The following ZNF718 variants were observed in gnomAD, a reference collection of about 807,000 sequenced individuals.
The protein encoded by ZNF718 is zinc finger protein 718.
Under a neutral mutation model 2.6 loss-of-function variants are expected in ZNF718, and 3 were observed. The ratio of observed to expected loss-of-function variants is 1.16; its 90% CI spans 0.53 to 3.01. The LOEUF is 3.01. Ranked by LOEUF, ZNF718 falls within the 30% of genes most tolerant of loss-of-function variation. The probability of loss-of-function intolerance (pLI) is 0.03; values close to 1 mark genes in which losing one functional copy is unlikely to be tolerated. For missense variants in ZNF718, 468 were observed against 230.0 expected, an observed-to-expected ratio of 2.03 and a Z score of -6.69; for synonymous variants, 135 against 77.9, an observed-to-expected ratio of 1.73 and a Z score of -3.86.
At chr4:145,411 A>G (rs1410899281) in intron 3 of ZNF718, among the ~76,000 whole-genome samples, 3 of 152,136 alleles carry the variant, frequency 2.0e-5, no homozygotes, top group Non-Finnish European at 4.4e-5. Context: ...TTAATTTCCA[A>G]GAGACTTACA....
intron 3 of ZNF718, among the ~76,000 whole-genome samples, chr4:142,608 T>C (rs1456052497): frequency 2.0e-5 from 3 of 152,190 alleles, no homozygotes; most frequent in African/African-American, 7.2e-5. Flanking sequence ...TTTAAAAAGG[T>C]ATCCCTCATG....
At chr4:138,977 T>C (rs1715693750) in intron 3 of ZNF718, among the ~76,000 whole-genome samples, 1 of 152,222 alleles carries the variant, frequency 6.6e-6, no homozygotes, top group South Asian at 2.1e-4. Flanking sequence ...TTATTTATCA[T>C]CAGATTTTAT....
chr4:195,759 C>T (rs1267113101), intron 3 of ZNF718, among the ~76,000 whole-genome samples: 1 of 152,108 alleles, frequency 6.6e-6, no homozygotes, highest in African/African-American at 2.4e-5. Context: ...AGGAAGTCTA[C>T]GGGCTGTCAG....
chr4:185,502 G>A (rs1263518899), intron 3 of ZNF718, among the ~76,000 whole-genome samples: 1 of 152,138 alleles, frequency 6.6e-6, no homozygotes, highest in Non-Finnish European at 1.5e-5. Context: ...GAGTTCTGTA[G>A]ATAATCTATC....
Position 161,167 on chromosome 4 carries a change from A to T in ZNF718, c.482A>T (p.Asp161Val), listed in dbSNP as rs1553814956. Residue 161 changes from aspartate (D) to valine (V), a missense_variant, in exon 4 of 4, where the codon GAT becomes GTT. By Grantham distance (152) the Asp-to-Val change is radical. Coordinates refer to ENST00000510175, the MANE Select transcript of ZNF718 (RefSeq NM_001039127.6). ...VFHKFSNSNK[D>V]KIRYTGDKTF... ...CATAAATTTTCAAATTCAAACAAAG[A>T]TAAGATAAGATATACTGGAGATAAA... is the stretch of plus-strand genomic sequence containing the variant. 6 of 757,202 alleles carry T rather than the reference A, an allele frequency of 7.9e-6. No homozygotes were observed. Among genetic ancestry groups the T allele is most frequent in the Non-Finnish European group, 1.5e-5 (6 of 409,350 alleles). The allele number at this position is 757,202 out of a possible 1,614,324, so 46.9% of individuals were successfully genotyped here.
intron 3 of ZNF718, among the ~76,000 whole-genome samples, chr4:143,439 G>C (rs1553810614): frequency 6.6e-6 from 1 of 152,174 alleles, no homozygotes; most frequent in Non-Finnish European, 1.5e-5. Flanking sequence ...ACCTGCCTTA[G>C]CCTCCCAAAG....
intron 3 of ZNF718, among the ~76,000 whole-genome samples, chr4:142,318 T>C (rs1560112711): frequency 6.6e-6 from 1 of 152,254 alleles, no homozygotes; most frequent in Non-Finnish European, 1.5e-5. Flanking sequence ...GTTAAGTGCA[T>C]TTATGGAGTA....
rs78677549 is a variant in ZNF718 at position 188,543 on chromosome 4, G to T, written c.227-12538G>T. On this transcript the variant is annotated intron_variant and NMD_transcript_variant, in intron 3 of 4. Transcript: ENST00000642529. Reference sequence around the variant, plus strand: ...CCCCTGGATTCAGCCTCTTCCTGGAGGCATGCACTGACCTCCCACCTTGTC... The same window carrying T: ...CCCCTGGATTCAGCCTCTTCCTGGATGCATGCACTGACCTCCCACCTTGTC... 1.5e-3 allele frequency among the ~76,000 whole-genome samples: 223 copies of T among 152,292 alleles called. 8 individuals are homozygous for T. The East Asian group carries it at 0.037, about 26-fold the overall frequency.
intron 1 of ZNF718, chr4:124,944 C>T (rs560457119): frequency 5.0e-6 from 2 of 403,308 alleles, no homozygotes; most frequent in African/African-American, 2.1e-5. Flanking sequence ...CCGCGGCGGC[C>T]TGCGCGGTGC....
At chr4:198,875 A>G (rs1488495989) in intron 3 of ZNF718, among the ~76,000 whole-genome samples, 1 of 152,210 alleles carries the variant, frequency 6.6e-6, no homozygotes. Flanking sequence ...GCATGTCACC[A>G]TAACATGTTA....
chr4:137,396 C>G (rs1174893290), intron 3 of ZNF718, among the ~76,000 whole-genome samples: 1 of 152,102 alleles, frequency 6.6e-6, no homozygotes, highest in African/African-American at 2.4e-5. Context: ...ATTAGTGGGT[C>G]ATAGAATAAC....
At chr4:197,900 A>G (rs534960303) in intron 3 of ZNF718, among the ~76,000 whole-genome samples, 1 of 152,316 alleles carries the variant, frequency 6.6e-6, no homozygotes, top group East Asian at 1.9e-4. Flanking sequence ...TGGGTGGATG[A>G]AAGTATGGAT....
intron 3 of ZNF718, among the ~76,000 whole-genome samples, chr4:160,101 T>G (rs1181537674): frequency 6.6e-6 from 1 of 152,236 alleles, no homozygotes; most frequent in African/African-American, 2.4e-5. Context: ...CATGAAACAT[T>G]TACCTTTGGT....
intron 3 of ZNF718, among the ~76,000 whole-genome samples, chr4:138,003 A>T (rs1203863464): frequency 6.6e-6 from 1 of 152,142 alleles, no homozygotes; most frequent in Non-Finnish European, 1.5e-5. Context: ...CAGGATTTTA[A>T]ATTTTTATGA....
At chr4:168,927 T>G (rs1553817463), downstream of ZNF718, among the ~76,000 whole-genome samples, 1 of 152,204 alleles carries the variant, frequency 6.6e-6, no homozygotes, top group African/African-American at 2.4e-5. Flanking sequence ...GTTCTCTAGT[T>G]CTTTTAATTG....
chr4:148,585 A>G (rs1716174517), intron 3 of ZNF718, among the ~76,000 whole-genome samples: 1 of 143,582 alleles, frequency 7.0e-6, no homozygotes, highest in South Asian at 2.3e-4. Context: ...CTCTGCAGCC[A>G]AGGTGACAGA....
chr4:150,280 C>G (rs1201015230), intron 3 of ZNF718: 2 of 152,024 alleles, frequency 1.3e-5, no homozygotes, highest in Non-Finnish European at 2.9e-5. Flanking sequence ...CAGGAATTGT[C>G]TTTTGTAAAT....
chr4:136,631 C>G (rs1489840135), intron 3 of ZNF718, among the ~76,000 whole-genome samples: 2 of 152,200 alleles, frequency 1.3e-5, no homozygotes, highest in African/African-American at 4.8e-5. Context: ...AAGGCAAGCA[C>G]CTTTCTACTT....
chr4:181,015 AG>A (rs1412777805), intron 3 of ZNF718, among the ~76,000 whole-genome samples: 1 of 151,950 alleles, frequency 6.6e-6, no homozygotes, highest in Admixed American at 6.6e-5. Context: ...TGTTTCATGA[AG>A]TAGTATTCTT....
Sources: gnomAD v4.1 joint callset for allele counts (sites outside exome capture counted in the v4.1 genomes callset) on GRCh38, gnomAD v4.1.1 for gene constraint, MANE v1.5 for transcripts, NCBI Gene and HGNC (gene_info 2026-07-23, HGNC 2026-07-21) for gene names.